Variants in MDGA2 observed in about 807,000 individuals in gnomAD.
The protein encoded by MDGA2 is MAM domain containing glycosylphosphatidylinositol anchor 2, also known as MAM domain-containing glycosylphosphatidylinositol anchor protein 2.
MDGA2 carries 40 observed loss-of-function variants against 117.8 expected under a neutral mutation model. That is an observed-to-expected ratio of 0.34 (90% CI 0.26 to 0.44). The LOEUF is 0.44. MDGA2 is among the 20% of genes least tolerant of loss of function. The pLI, the probability that MDGA2 is intolerant of heterozygous loss-of-function variation, is 1.00. For missense variants in MDGA2, 1,123 were observed against 1,250.6 expected, an observed-to-expected ratio of 0.90 and a Z score of 1.54; for synonymous variants, 452 against 439.0, an observed-to-expected ratio of 1.03 and a Z score of -0.37.
At chr14:47,515,731 A>ATACT in intron 1 of MDGA2, among the ~76,000 whole-genome samples, 1 of 152,168 alleles carries the variant, frequency 6.6e-6, no homozygotes, top group Non-Finnish European at 1.5e-5. Context: ...GAATAAAAAA[A>ATACT]GGCCCAACTT....
chr14:47,173,147 T>C lies in MDGA2; in HGVS notation c.596-28873A>G, dbSNP rs1226233309. ...AAAGCCTCCAAGACATATGGGACTA[T>C]ACGAAAAGACCAAATCTACGTCTGA... On this transcript the variant is annotated intron_variant, in intron 3 of 16. Coordinates refer to ENST00000399232, the MANE Select transcript of MDGA2 (RefSeq NM_001113498.3). Among the ~76,000 whole-genome samples, 7 of 152,332 alleles carry C rather than the reference T, an allele frequency of 4.6e-5. 1 individual carries two copies. The highest frequency in any genetic ancestry group is 3.9e-4 in the East Asian group (2 of 5,182).
intron 2 of MDGA2, among the ~76,000 whole-genome samples, chr14:47,297,249 T>C (rs1483045861): frequency 6.6e-6 from 1 of 152,024 alleles, no homozygotes; most frequent in African/African-American, 2.4e-5. Context: ...TATGCCAAAC[T>C]ATTTAATATC....
chr14:47,500,016 A>T (rs937334908), intron 1 of MDGA2, among the ~76,000 whole-genome samples: 2 of 151,640 alleles, frequency 1.3e-5, no homozygotes, highest in South Asian at 2.1e-4. Flanking sequence ...AAAGCGATTT[A>T]AAAAAAAATC....
chr14:47,537,977 T>C (rs527650941), intron 1 of MDGA2, among the ~76,000 whole-genome samples: 30 of 152,324 alleles, frequency 2.0e-4, no homozygotes, highest in Middle Eastern at 3.4e-3. Context: ...ATTATTTATA[T>C]GATAAGGAAA....
At chr14:46,930,349 T>G (rs1426811283) in intron 9 of MDGA2, among the ~76,000 whole-genome samples, 1 of 152,166 alleles carries the variant, frequency 6.6e-6, no homozygotes, top group Non-Finnish European at 1.5e-5. Context: ...GCATATTTTT[T>G]TTAAAAGCCA....
At chr14:47,623,651 C>A (rs777880755) in intron 1 of MDGA2, among the ~76,000 whole-genome samples, 5 of 151,876 alleles carry the variant, frequency 3.3e-5, no homozygotes, top group Non-Finnish European at 7.4e-5. Flanking sequence ...ATTGTCATTA[C>A]AATTGTGTGA....
intron 2 of MDGA2, among the ~76,000 whole-genome samples, chr14:47,288,795 G>C (rs757079224): frequency 6.6e-5 from 10 of 150,602 alleles, no homozygotes; most frequent in Non-Finnish European, 1.3e-4. Context: ...CTTAATAACT[G>C]TTTTCTTATT....
intron 2 of MDGA2, among the ~76,000 whole-genome samples, chr14:47,255,759 A>G (rs1296715204): frequency 3.9e-5 from 6 of 152,004 alleles, no homozygotes; most frequent in Non-Finnish European, 8.8e-5. Context: ...CCTTGGTCCT[A>G]CCCAATGCAG....
chr14:47,069,842 T>G (rs971706281), intron 6 of MDGA2, among the ~76,000 whole-genome samples: 8 of 152,222 alleles, frequency 5.3e-5, no homozygotes, highest in African/African-American at 1.9e-4. Context: ...ATAAAATAAC[T>G]TAGATATACT....
intron 8 of MDGA2, among the ~76,000 whole-genome samples, chr14:46,988,445 G>A (rs1886949444): frequency 6.6e-6 from 1 of 152,034 alleles, no homozygotes; most frequent in South Asian, 2.1e-4. Context: ...GGAAGCAAAG[G>A]TTAGATTCTG....
At chr14:47,490,713 T>C (rs899948185) in intron 1 of MDGA2, among the ~76,000 whole-genome samples, 8 of 152,094 alleles carry the variant, frequency 5.3e-5, no homozygotes, top group African/African-American at 1.9e-4. Context: ...GGAAGAAACT[T>C]TGAAAATCTA....
At chr14:47,347,761 C>T (rs1442879913) in intron 1 of MDGA2, among the ~76,000 whole-genome samples, 1 of 151,930 alleles carries the variant, frequency 6.6e-6, no homozygotes, top group Admixed American at 6.6e-5. Flanking sequence ...TAGGAAGCAG[C>T]AGAAGAAAGT....
At position 46,957,942 on chromosome 14, in the gene MDGA2, C is replaced by A. The variant is rs146563282; in HGVS notation, c.1820-299G>T. 1.5e-4 allele frequency among the ~76,000 whole-genome samples: 23 copies of A among 152,210 alleles called. No individual in the cohort carries two copies. In the East Asian group the frequency reaches 3.9e-3, roughly 26 times the overall value. ...ATATTTTTAAACTTTCCTATTAATT[C>A]TAATATTATCAATATATTCCTTTTT... On this transcript the variant is annotated intron_variant, in intron 8 of 16. Transcript: ENST00000399232.
At chr14:47,018,733 GAAAAAA>G (rs60442845) in intron 8 of MDGA2, among the ~76,000 whole-genome samples, 64 of 38,642 alleles carry the variant, frequency 1.7e-3, no homozygotes, top group Non-Finnish European at 2.2e-3. Flanking sequence ...CCATTTTACT[GAAAAAA>G]AAAAAAAAAA....
rs1314413726 is a variant in MDGA2, at chr14:46,957,465, A to G, written c.1998T>C (p.Ala666=). 6.2e-7 allele frequency: 1 copy of G among 1,614,134 alleles called. No homozygotes were observed. The highest frequency in any genetic ancestry group is 2.2e-5 in the East Asian group (1 of 44,864). The part of the protein sequence containing the change: ...QFDSQEYTEY[A]VKSLSNENYG... ...AGTTTTCATTGGAAAGACTCTTCACAGCGTACTCTGTGTATTCCTGAGAGT... is the reference window on the plus strand; with the variant it reads ...AGTTTTCATTGGAAAGACTCTTCACGGCGTACTCTGTGTATTCCTGAGAGT... Residue 666 remains alanine (A), a synonymous_variant, in exon 9 of 17, where the codon GCT becomes GCC. Coordinates refer to ENST00000399232, the MANE Select transcript of MDGA2 (RefSeq NM_001113498.3).
chr14:47,502,880 C>T lies in MDGA2; in HGVS notation c.280+171637G>A, dbSNP rs1157671365. 7.2e-5 allele frequency among the ~76,000 whole-genome samples: 11 copies of T among 152,146 alleles called. No individual in the cohort carries two copies. The South Asian group carries it at 2.1e-3, about 29-fold the overall frequency. ...ATTATTTTGTAGAGAAGGGGTCTGG[C>T]TTTGTTGCCCAGGCTGGTCTCAAAC... On this transcript the variant is annotated intron_variant, in intron 1 of 16. Transcript: ENST00000399232.
At chr14:46,950,458 G>A (rs1885332241) in intron 9 of MDGA2, among the ~76,000 whole-genome samples, 1 of 151,954 alleles carries the variant, frequency 6.6e-6, no homozygotes, top group South Asian at 2.1e-4. Context: ...GTATATTACA[G>A]AAGGCTGTAC....
intron 2 of MDGA2, among the ~76,000 whole-genome samples, chr14:47,272,539 C>T (rs562876615): frequency 3.8e-4 from 58 of 152,272 alleles, no homozygotes; most frequent in African/African-American, 1.3e-3. Flanking sequence ...TCCCTTCACC[C>T]ACTCTTAAAC....
At chr14:47,454,116 T>C (rs1893296972) in intron 1 of MDGA2, among the ~76,000 whole-genome samples, 1 of 152,154 alleles carries the variant, frequency 6.6e-6, no homozygotes, top group Non-Finnish European at 1.5e-5. Flanking sequence ...CGGCCCCCAA[T>C]AGGGAGGTTT....
Sources: allele counts gnomAD v4.1 joint callset (sites outside exome capture counted in the v4.1 genomes callset), GRCh38; gene constraint gnomAD v4.1.1; transcripts MANE v1.5; gene names NCBI Gene and HGNC (gene_info 2026-07-23, HGNC 2026-07-21).